NRG2: variants seen among roughly 807,000 people sequenced by gnomAD.
NRG2 encodes the protein neuregulin 2.
NRG2 carries 27 observed loss-of-function variants against 73.9 expected under a neutral mutation model. That is an observed-to-expected ratio of 0.37 (90% CI 0.27 to 0.50). The LOEUF (loss-of-function observed/expected upper bound fraction) is 0.50. Among genes scored for constraint, NRG2 ranks in the 20% least tolerant of loss-of-function variants. The pLI, the probability that NRG2 is intolerant of heterozygous loss-of-function variation, is 0.96. For missense variants in NRG2, 1,126 were observed against 1,210.1 expected (o/e 0.93, Z 1.03); for synonymous variants, 532 against 541.0 (o/e 0.98, Z 0.23).
At position 139,939,269 on chromosome 5, in the gene NRG2, T is replaced by C. The variant is rs1188420120; in HGVS notation, c.701-51758A>G. Among the ~76,000 whole-genome samples the C allele has an allele frequency of 2.6e-5, 4 of 151,638 alleles. No individual in the cohort carries two copies. The East Asian group carries it at 7.8e-4, about 30-fold the overall frequency. On this transcript the variant is annotated intron_variant, in intron 1 of 9. Transcript: ENST00000361474. ...CTTTCTTTCTTTCTTTCTTTTTCTTTCTTTCTTTCTTTCCTTTCTTTTTTT... is the reference window on the plus strand; with the variant it reads ...CTTTCTTTCTTTCTTTCTTTTTCTTCCTTTCTTTCTTTCCTTTCTTTTTTT...
At position 139,865,360 on chromosome 5, in the gene NRG2, G is replaced by T. The variant is rs2277048; in HGVS notation, c.1189+189C>A. On this transcript the variant is annotated intron_variant, in intron 5 of 9. Transcript: ENST00000361474. This position sits in a 1 kb window ranked among gnomAD's most constrained non-coding sequence, Gnocchi z 5.2. ...TAAACCCAAGGATTAGGCCAAAAAT[G>T]AAAACAAAGCAAAACAAAACAAAAC... 6.6e-6 allele frequency among the ~76,000 whole-genome samples: 1 copy of T among 152,048 alleles called. No individual in the cohort carries two copies. Among genetic ancestry groups the T allele is most frequent in the Non-Finnish European group, 1.5e-5 (1 of 68,006 alleles).
At chr5:139,885,607 A>G (rs1220309189) in intron 2 of NRG2, among the ~76,000 whole-genome samples, 1 of 152,170 alleles carries the variant, frequency 6.6e-6, no homozygotes, top group Non-Finnish European at 1.5e-5. Context: ...GTGGAGGGAC[A>G]GCATTTGAGA....
At chr5:140,016,503 G>A (rs1391841599) in intron 1 of NRG2, among the ~76,000 whole-genome samples, 2 of 152,170 alleles carry the variant, frequency 1.3e-5, no homozygotes, top group African/African-American at 4.8e-5. Context: ...ATATCCTAGT[G>A]TCAACTACGT....
intron 1 of NRG2, among the ~76,000 whole-genome samples, chr5:139,929,741 C>T (rs1752324593): frequency 2.0e-5 from 3 of 152,128 alleles, no homozygotes; most frequent in South Asian, 2.1e-4. Flanking sequence ...GATTGGATGC[C>T]GTGACTTCTC....
chr5:139,860,936 T>C (rs1274698307), intron 5 of NRG2, among the ~76,000 whole-genome samples: 1 of 152,168 alleles, frequency 6.6e-6, no homozygotes, highest in Non-Finnish European at 1.5e-5. Context: ...CAAACCTGGC[T>C]GAGCTTCTGA....
Position 139,876,216 on chromosome 5 carries a change from G to A in NRG2, c.992-4375C>T, listed in dbSNP as rs994080514. On this transcript the variant is annotated intron_variant, in intron 3 of 9. Coordinates refer to ENST00000361474, the MANE Select transcript of NRG2 (RefSeq NM_004883.3). Reference sequence around the variant, plus strand: ...GGAGTACTGATCCATGCTACAACACGGATGAACCTTGAAAACATTATGTTA... The same window carrying A: ...GGAGTACTGATCCATGCTACAACACAGATGAACCTTGAAAACATTATGTTA... 7.9e-5 allele frequency among the ~76,000 whole-genome samples: 12 copies of A among 152,092 alleles called. 1 individual carries two copies. Among genetic ancestry groups the A allele is most frequent in the Middle Eastern group, 6.3e-3 (2 of 316 alleles).
intron 1 of NRG2, among the ~76,000 whole-genome samples, chr5:139,972,517 G>C (rs1756046533): frequency 6.6e-6 from 1 of 152,346 alleles, no homozygotes; most frequent in Non-Finnish European, 1.5e-5. Context: ...TTGAGGTCAG[G>C]AGTCCAAGAC....
At position 139,938,947 on chromosome 5, in the gene NRG2, A is replaced by AAG. The variant is rs1753129213; in HGVS notation, c.701-51438_701-51437dup. Among the ~76,000 whole-genome samples, 3 of 144,752 alleles carry AAG rather than the reference A, an allele frequency of 2.1e-5. No individual in the cohort carries two copies. In the South Asian group the frequency reaches 6.8e-4, roughly 33 times the overall value. The allele number at this position is 144,752 out of a possible 152,430, so 95.0% of individuals were successfully genotyped here. ...AAAGAAAGAAAGAAAGAAAGAAAGA[A>AAG]AGAAAGAAAGAAAAAAGAAGGAAGG... On this transcript the variant is annotated intron_variant, in intron 1 of 9. Coordinates refer to ENST00000361474, the MANE Select transcript of NRG2 (RefSeq NM_004883.3).
At chr5:139,935,310 C>T (rs1752766379) in intron 1 of NRG2, among the ~76,000 whole-genome samples, 1 of 152,134 alleles carries the variant, frequency 6.6e-6, no homozygotes, top group Non-Finnish European at 1.5e-5. Flanking sequence ...ATAGTTGATA[C>T]AATAAGTGGA....
At chr5:140,020,853 A>G (rs1760165789) in intron 1 of NRG2, among the ~76,000 whole-genome samples, 1 of 152,188 alleles carries the variant, frequency 6.6e-6, no homozygotes, top group South Asian at 2.1e-4. Context: ...AGCACAGACA[A>G]ATTTCAGAGA....
In NRG2 at chr5:140,008,260, G is replaced by A. The variant is rs894109560; in HGVS notation, c.700+34110C>T. 4.6e-5 allele frequency among the ~76,000 whole-genome samples: 7 copies of A among 152,204 alleles called. No individual in the cohort carries two copies. The highest frequency in any genetic ancestry group is 1.7e-4 in the African/African-American group (7 of 41,434). ...TAGTGTTGCTACTACCACATCCTTC[G>A]AGTAGCCTAGTAAACCTTATTTCAG... On this transcript the variant is annotated intron_variant, in intron 1 of 9. Transcript: ENST00000361474. The surrounding 1 kb of genome is among the most constrained non-coding windows in gnomAD (Gnocchi z 4.2).
At chr5:140,004,189 C>T (rs1303515906) in intron 1 of NRG2, among the ~76,000 whole-genome samples, 3 of 152,142 alleles carry the variant, frequency 2.0e-5, no homozygotes, top group Non-Finnish European at 2.9e-5. Context: ...AGCTATTGCT[C>T]TTGAGTAAAG....
chr5:139,895,129 T>C (rs549635716), intron 1 of NRG2, among the ~76,000 whole-genome samples: 1 of 152,290 alleles, frequency 6.6e-6, no homozygotes, highest in East Asian at 1.9e-4. Flanking sequence ...CAACTTGCAA[T>C]GTGAGGGCAG....
At chr5:139,934,994 G>A (rs758096757) in intron 1 of NRG2, among the ~76,000 whole-genome samples, 5 of 151,958 alleles carry the variant, frequency 3.3e-5, no homozygotes, top group African/African-American at 7.3e-5. Context: ...GCGAAACCCC[G>A]TCTCTACTAA....
At chr5:139,910,938 C>T (rs921956072) in intron 1 of NRG2, among the ~76,000 whole-genome samples, 2 of 152,054 alleles carry the variant, frequency 1.3e-5, no homozygotes, top group Non-Finnish European at 2.9e-5. Context: ...CCAGGAGAAG[C>T]CTCAGGAGCA....
chr5:139,974,716 G>A (rs998046362), intron 1 of NRG2, among the ~76,000 whole-genome samples: 4 of 152,092 alleles, frequency 2.6e-5, no homozygotes, highest in Admixed American at 6.5e-5. Flanking sequence ...TAGATCAGAG[G>A]CCTCAGAAAT....
chr5:139,999,336 C>A (rs1258264410), intron 1 of NRG2, among the ~76,000 whole-genome samples: 1 of 152,190 alleles, frequency 6.6e-6, no homozygotes, highest in Non-Finnish European at 1.5e-5. Context: ...GTGAATCTGA[C>A]CCAAAATATC....
At position 140,010,491 on chromosome 5, in the gene NRG2, T is replaced by G. The variant is rs774832039; in HGVS notation, c.700+31879A>C. Reference sequence around the variant, plus strand: ...TTATCAATTGTAGGCTTATCAATTTTAACAACAACAATTGATAATTGGGAC... The same window carrying G: ...TTATCAATTGTAGGCTTATCAATTTGAACAACAACAATTGATAATTGGGAC... On this transcript the variant is annotated intron_variant, in intron 1 of 9. Transcript: ENST00000361474. 2.0e-5 allele frequency among the ~76,000 whole-genome samples: 3 copies of G among 152,120 alleles called. No homozygotes were observed. The East Asian group carries it at 5.8e-4, about 29-fold the overall frequency.
chr5:139,952,268 C>T lies in NRG2; in HGVS notation c.701-64757G>A, dbSNP rs576959169. Among the ~76,000 whole-genome samples, 14 of 152,302 alleles carry T rather than the reference C, an allele frequency of 9.2e-5. No individual in the cohort carries two copies. In the South Asian group the frequency reaches 1.7e-3, roughly 18 times the overall value. On this transcript the variant is annotated intron_variant, in intron 1 of 9. Transcript: ENST00000361474. ...ATGGGGAAACAAATTTGGCAGATCA[C>T]GTCTCAATTATTTGAGGGTCCAGGG...
Sources: gnomAD v4.1 joint callset for allele counts (sites outside exome capture counted in the v4.1 genomes callset) on GRCh38, gnomAD v4.1.1 for gene constraint, Gnocchi (gnomAD v3.1) non-coding constraint, MANE v1.5 for transcripts, NCBI Gene and HGNC (gene_info 2026-07-23, HGNC 2026-07-21) for gene names.